Variants in CLECL1 observed in about 807,000 individuals in gnomAD.
The protein encoded by CLECL1 is C-type lectin-like domain family 1.
At chr12:9,727,548 A>G (rs1691312520) in intron 3 of CLECL1, among the ~76,000 whole-genome samples, 1 of 151,798 alleles carries the variant, frequency 6.6e-6, no homozygotes. Flanking sequence ...GAATTTGGCA[A>G]TACAAACTAA....
At chr12:9,724,184 G>GAAAAAAAAAAA (rs71045296) in intron 3 of CLECL1, among the ~76,000 whole-genome samples, 1 of 130,146 alleles carries the variant, frequency 7.7e-6, no homozygotes, top group African/African-American at 2.8e-5. Context: ...GCAACTCCAT[G>GAAAAAAAAAAA]AAAAAAAAAA....
chr12:9,702,514 T>C, the CLECL1 span, among the ~76,000 whole-genome samples: 12 of 152,098 alleles, frequency 7.9e-5, no homozygotes, highest in Non-Finnish European at 1.2e-4. Flanking sequence ...AAGCAGGAAA[T>C]GCATGTTCTC....
At position 9,730,851 on chromosome 12, in the gene CLECL1, G is replaced by A. The variant is rs116312898; in HGVS notation, n.83-1175C>T. On this transcript the variant is annotated intron_variant and non_coding_transcript_variant, in intron 1 of 3. Coordinates refer to ENST00000621400, the Ensembl canonical transcript of CLECL1. The stretch of plus-strand genomic sequence containing the variant: ...AATACAGGCACGTGTCACCATGCTC[G>A]TTTTTAAAATTTTTGGTAGGCATGA... Among the ~76,000 whole-genome samples the A allele has an allele frequency of 5.3e-3, 805 of 152,056 alleles. 14 individuals are homozygous for A. Among genetic ancestry groups the A allele is most frequent in the African/African-American group, 0.018 (742 of 41,488 alleles).
At chr12:9,710,679 C>T in the CLECL1 span, among the ~76,000 whole-genome samples, 9 of 152,138 alleles carry the variant, frequency 5.9e-5, no homozygotes, top group Non-Finnish European at 1.2e-4. Context: ...AGCACATCAG[C>T]GGAGGAACAC....
chr12:9,723,386 T>C (rs1866337737), intron 3 of CLECL1, among the ~76,000 whole-genome samples: 2 of 152,180 alleles, frequency 1.3e-5, no homozygotes, highest in African/African-American at 2.4e-5. Flanking sequence ...ATTCTAGATA[T>C]ACCAATAATT....
At chr12:9,702,415 C>T in the CLECL1 span, among the ~76,000 whole-genome samples, 1 of 152,166 alleles carries the variant, frequency 6.6e-6, no homozygotes, top group Non-Finnish European at 1.5e-5. Context: ...CGCTGCTCTG[C>T]TGCTCTGCCA....
chr12:9,719,140 C>A (rs1866275500), downstream of CLECL1, among the ~76,000 whole-genome samples: 1 of 152,168 alleles, frequency 6.6e-6, no homozygotes, highest in Admixed American at 6.5e-5. Flanking sequence ...TTGAGTTAAT[C>A]ATTAAGAGTT....
chr12:9,727,989 T>C lies in CLECL1; in HGVS notation n.169-331A>G, dbSNP rs529131010. On this transcript the variant is annotated intron_variant and non_coding_transcript_variant, in intron 2 of 3. Transcript: ENST00000621400. ...AATGTCCAGCTCTGGATATGACTCA[T>C]ATTTAGATCATTTGTGTTTAGTGAG... is the stretch of plus-strand genomic sequence containing the variant. Among the ~76,000 whole-genome samples the C allele has an allele frequency of 3.9e-5, 6 of 152,000 alleles. No individual in the cohort carries two copies. In the East Asian group the frequency reaches 1.2e-3, roughly 29 times the overall value.
At chr12:9,722,623 C>T (rs371547995), downstream of CLECL1, 1 of 1,602,526 alleles carries the variant, frequency 6.2e-7, no homozygotes, top group Non-Finnish European at 8.5e-7. Context: ...GATGCTGTCA[C>T]CTCTAAATGT....
chr12:9,727,440 A>G lies in CLECL1; in HGVS notation n.262+125T>C, dbSNP rs977283368. Among the ~76,000 whole-genome samples the G allele has an allele frequency of 7.9e-5, 12 of 151,824 alleles. No homozygotes were observed. In the East Asian group the frequency reaches 1.7e-3, roughly 22 times the overall value. On this transcript the variant is annotated intron_variant and non_coding_transcript_variant, in intron 3 of 3. Transcript: ENST00000621400. The stretch of plus-strand genomic sequence containing the variant: ...AATTGTAATGAGTCCATGAAAAGCA[A>G]TGATCTAAACCATCTGTCTATTGTG...
At chr12:9,718,777 GA>G (rs1396817869), downstream of CLECL1, 1 of 700,740 alleles carries the variant, frequency 1.4e-6, no homozygotes, top group East Asian at 2.7e-5. Context: ...GTGATCAGCT[GA>G]AAACCAAGGA....
chr12:9,711,087 C>G (rs1866196345), downstream of CLECL1, among the ~76,000 whole-genome samples: 1 of 152,126 alleles, frequency 6.6e-6, no homozygotes, highest in African/African-American at 2.4e-5. Context: ...TAACACATGC[C>G]TACTGGGGCT....
At chr12:9,716,383 T>G (rs1866239830) in exon 3 of CLECL1, 2 of 154,260 alleles carry the variant, frequency 1.3e-5, no homozygotes. Context: ...CATTTTTCTT[T>G]TATCTGCTAT....
At chr12:9,708,248 G>C in the CLECL1 span, among the ~76,000 whole-genome samples, 1 of 152,112 alleles carries the variant, frequency 6.6e-6, no homozygotes, top group Non-Finnish European at 1.5e-5. Flanking sequence ...CTAAGCAAGT[G>C]GTTCTTCCCT....
rs545282878 is a variant in CLECL1 at position 9,731,519 on chromosome 12, T to C, written n.82+1430A>G. Among the ~76,000 whole-genome samples the C allele has an allele frequency of 8.3e-4, 127 of 152,314 alleles. 1 individual carries two copies. Among genetic ancestry groups the C allele is most frequent in the Non-Finnish European group, 1.5e-3 (103 of 68,004 alleles). ...GATCAGGAACAATTGTGTAGGACTC[T>C]GTATGTAAGACAACAAAAATCTAAT... is the stretch of plus-strand genomic sequence containing the variant. On this transcript the variant is annotated intron_variant and non_coding_transcript_variant, in intron 1 of 3. Transcript: ENST00000621400.
downstream of CLECL1, among the ~76,000 whole-genome samples, chr12:9,719,865 A>G (rs1357846012): frequency 6.6e-6 from 1 of 152,260 alleles, no homozygotes; most frequent in Non-Finnish European, 1.5e-5. Context: ...TTTGCCAGAA[A>G]AATGTCTTCT....
At chr12:9,707,715 A>G in the CLECL1 span, among the ~76,000 whole-genome samples, 2 of 152,202 alleles carry the variant, frequency 1.3e-5, no homozygotes, top group South Asian at 4.1e-4. Context: ...GTTGAGTATG[A>G]GCAAATACAA....
At chr12:9,715,235 C>T (rs182043801), downstream of CLECL1, among the ~76,000 whole-genome samples, 1,109 of 152,216 alleles carry the variant, frequency 7.3e-3, 9 homozygotes, top group Non-Finnish European at 0.013. Flanking sequence ...AACTTTTTTT[C>T]TAATCTAGAG....
At chr12:9,717,339 T>A (rs990480796) in intron 2 of CLECL1, among the ~76,000 whole-genome samples, 7 of 152,324 alleles carry the variant, frequency 4.6e-5, no homozygotes, top group Admixed American at 3.3e-4. Flanking sequence ...CAGGCAATTA[T>A]GTCAGAGAGA....
Sources: allele counts gnomAD v4.1 joint callset (sites outside exome capture counted in the v4.1 genomes callset), GRCh38; gene constraint gnomAD v4.1.1; transcripts MANE v1.5; gene names NCBI Gene and HGNC (gene_info 2026-07-23, HGNC 2026-07-21).